Variants in TOP2B observed in about 807,000 individuals in gnomAD.
TOP2B encodes the protein DNA topoisomerase II beta.
TOP2B carries 51 observed loss-of-function variants against 193.5 expected under a neutral mutation model. The observed-to-expected ratio is 0.26, with a 90% confidence interval of 0.21 to 0.33. The LOEUF (loss-of-function observed/expected upper bound fraction) is 0.33. TOP2B is among the 10% of genes least tolerant of loss of function. The pLI is 1.00. For synonymous variants in TOP2B, 634 were observed against 635.7 expected (o/e 1.00, Z 0.04); for missense variants, 1,378 against 1,909.3 (o/e 0.72, Z 5.19).
chr3:25,650,480 T>C (rs1345137014), intron 1 of TOP2B, among the ~76,000 whole-genome samples: 1 of 152,246 alleles, frequency 6.6e-6, no homozygotes, highest in African/African-American at 2.4e-5. Context: ...TACAATTATT[T>C]GAAGAAATGT....
intron 8 of TOP2B, 141 bp downstream of exon 8, chr3:25,633,700 T>G: frequency 1.7e-6 from 1 of 593,842 alleles, no homozygotes; most frequent in Non-Finnish European, 2.6e-6. Context: ...GAAAATAGGT[T>G]TTTGTTTTCA....
chr3:25,660,107 G>A (rs755351687), intron 1 of TOP2B, among the ~76,000 whole-genome samples: 1 of 152,116 alleles, frequency 6.6e-6, no homozygotes, highest in Non-Finnish European at 1.5e-5. Flanking sequence ...AACATACTTC[G>A]ATTCAGAAAA....
chr3:25,600,783 G>C (rs1293668997), intron 34 of TOP2B, among the ~76,000 whole-genome samples: 2 of 152,222 alleles, frequency 1.3e-5, no homozygotes, highest in African/African-American at 4.8e-5. Context: ...CACAGTTAGT[G>C]TGGAGTACTG....
In TOP2B at chr3:25,619,851, T is replaced by C; in HGVS notation, c.3063+11A>G. 6.4e-7 allele frequency: 1 copy of C among 1,563,770 alleles called. No homozygotes were observed. Among genetic ancestry groups the C allele is most frequent in the South Asian group, 1.1e-5 (1 of 89,836 alleles). ...AGAAAGATTAAATTAACAGTAAATCTAATAAATTACCATGGAATTACAAGT... is the reference window on the plus strand; with the variant it reads ...AGAAAGATTAAATTAACAGTAAATCCAATAAATTACCATGGAATTACAAGT... On this transcript the variant is annotated intron_variant, in intron 23 of 35. Transcript: ENST00000264331.
At chr3:25,627,040 C>G in intron 16 of TOP2B, 147 bp downstream of exon 16, 1 of 700,472 alleles carries the variant, frequency 1.4e-6, no homozygotes, top group Non-Finnish European at 2.4e-6. Flanking sequence ...GAAGTTTATA[C>G]AAGCACAGCA....
chr3:25,644,441 C>A (rs1703354195), intron 2 of TOP2B, among the ~76,000 whole-genome samples: 1 of 152,128 alleles, frequency 6.6e-6, no homozygotes, highest in African/African-American at 2.4e-5. Flanking sequence ...TGGCTCACGC[C>A]TGTAATCCTA....
intron 4 of TOP2B, among the ~76,000 whole-genome samples, chr3:25,639,295 T>A (rs1217404335): frequency 6.6e-6 from 1 of 152,210 alleles, no homozygotes; most frequent in Non-Finnish European, 1.5e-5. Context: ...CTCTGGTTAA[T>A]ATGCTTTCCA....
rs779856514 is a variant in TOP2B at position 25,607,329 on chromosome 3, A to T, written c.4140T>A (p.Asp1380Glu). The stretch of plus-strand genomic sequence containing the variant: ...TGTCATCATCATCATCATCAGCATC[A>T]TCATCCTCTTCTTCTGAGAAATCAA... ...YTFDFSEEED[D>E]DADDDDDDNN... The change falls in exon 31 of 36, where the codon GAT becomes GAA. Residue 1380 changes from aspartate (D) to glutamate (E), a missense_variant. Coordinates refer to ENST00000264331, the MANE Select transcript of TOP2B (RefSeq NM_001330700.2). 5 of 1,552,314 alleles carry T rather than the reference A, an allele frequency of 3.2e-6. No individual in the cohort carries two copies. Among genetic ancestry groups the T allele is most frequent in the Non-Finnish European group, 4.4e-6 (5 of 1,147,186 alleles).
chr3:25,615,104 C>A (rs901051375), intron 27 of TOP2B, 101 bp downstream of exon 27: 3 of 999,364 alleles, frequency 3.0e-6, no homozygotes, highest in Non-Finnish European at 4.4e-6. Flanking sequence ...ACATATTAAC[C>A]TTCACAGAGT....
Position 25,632,547 on chromosome 3 carries a change from T to C in TOP2B, c.1165A>G (p.Ile389Val). 6.3e-7 allele frequency: 1 copy of C among 1,592,886 alleles called. No individual in the cohort carries two copies. The highest frequency in any genetic ancestry group is 1.2e-5 in the South Asian group (1 of 86,380). ...NHIWVFINCL[I>V]ENPTFDSQTK... ...TGAGAATCAAAAGTTGGATTTTCAATAAGGCAATTAATAAAAACCCATATA... is the reference window on the plus strand; with the variant it reads ...TGAGAATCAAAAGTTGGATTTTCAACAAGGCAATTAATAAAAACCCATATA... Residue 389 changes from isoleucine (I) to valine (V), a missense_variant, in exon 10 of 36, where the codon ATT becomes GTT. Physicochemically the swap from Ile to Val is conservative, Grantham distance 29. Coordinates refer to ENST00000264331, the MANE Select transcript of TOP2B (RefSeq NM_001330700.2).
intron 1 of TOP2B, among the ~76,000 whole-genome samples, chr3:25,652,348 T>A (rs1461500490): frequency 6.6e-6 from 1 of 152,112 alleles, no homozygotes; most frequent in Non-Finnish European, 1.5e-5. Context: ...CTCAGAACAC[T>A]CCAATCAACA....
chr3:25,631,844 T>C (rs1008723850), intron 10 of TOP2B, among the ~76,000 whole-genome samples: 2 of 152,046 alleles, frequency 1.3e-5, no homozygotes, highest in African/African-American at 4.8e-5. Flanking sequence ...TTTGTTTTTG[T>C]TTCTGATAAT....
chr3:25,598,535 G>GAACTA, intron 35 of TOP2B, 58 bp from the exon 36 acceptor site: 2 of 1,338,730 alleles, frequency 1.5e-6, no homozygotes, highest in Non-Finnish European at 2.0e-6. Flanking sequence ...CTAGTATTAA[G>GAACTA]AACTATCACT....
chr3:25,646,184 T>C (rs764059050), intron 1 of TOP2B, among the ~76,000 whole-genome samples: 2 of 152,110 alleles, frequency 1.3e-5, no homozygotes, highest in Non-Finnish European at 2.9e-5. Flanking sequence ...AGCTTCCAGA[T>C]GTAAGCTTCC....
intron 1 of TOP2B, among the ~76,000 whole-genome samples, chr3:25,657,336 T>C (rs1703775488): frequency 6.6e-6 from 1 of 152,160 alleles, no homozygotes; most frequent in Non-Finnish European, 1.5e-5. Context: ...GGTATGCATA[T>C]TTAATACAAA....
chr3:25,625,701 A>G (rs1702783199), intron 18 of TOP2B, among the ~76,000 whole-genome samples: 1 of 152,182 alleles, frequency 6.6e-6, no homozygotes, highest in African/African-American at 2.4e-5. Context: ...GGAAGCCAAA[A>G]GGTTAGACAC....
intron 33 of TOP2B, among the ~76,000 whole-genome samples, chr3:25,603,914 G>A (rs1431014015): frequency 6.6e-6 from 1 of 152,190 alleles, no homozygotes; most frequent in African/African-American, 2.4e-5. Flanking sequence ...GTGGCAAAGA[G>A]GAAGTCCTCA....
intron 1 of TOP2B, among the ~76,000 whole-genome samples, chr3:25,654,227 C>A (rs1446232080): frequency 6.6e-6 from 1 of 152,076 alleles, no homozygotes; most frequent in South Asian, 2.1e-4. Flanking sequence ...AAAACTATTA[C>A]AACTAATAAA....
intron 1 of TOP2B, among the ~76,000 whole-genome samples, chr3:25,663,745 G>C (rs566782870): frequency 6.6e-6 from 1 of 152,238 alleles, no homozygotes; most frequent in African/African-American, 2.4e-5. Flanking sequence ...AGTTGCTGTA[G>C]AAATCCCAAT....
Sources: allele counts gnomAD v4.1 joint callset (sites outside exome capture counted in the v4.1 genomes callset), GRCh38; gene constraint gnomAD v4.1.1; transcripts MANE v1.5; gene names NCBI Gene and HGNC (gene_info 2026-07-23, HGNC 2026-07-21).